The following CLTB variants were observed in gnomAD, a reference collection of about 807,000 sequenced individuals.
CLTB encodes the protein clathrin, light chain (Lcb).
A neutral mutation model predicts 30.5 loss-of-function variants in CLTB; 10 were observed. That is an observed-to-expected ratio of 0.33 (90% CI 0.20 to 0.56). The LOEUF (loss-of-function observed/expected upper bound fraction) is 0.56. CLTB is among the 20% of genes least tolerant of loss of function. The pLI is 0.91. For synonymous variants in CLTB, 102 were observed against 120.3 expected (o/e 0.85, Z 1.00); for missense variants, 261 against 308.3 (o/e 0.85, Z 1.15).
intron 5 of CLTB, 95 bp downstream of exon 5, chr5:176,396,384 A>G (rs1756520240): frequency 8.8e-7 from 1 of 1,137,820 alleles, no homozygotes; most frequent in East Asian, 2.3e-5. Flanking sequence ...GAGCCCAGCC[A>G]CACTCATTTA....
chr5:176,401,153 G>A (rs1756800689), intron 2 of CLTB, among the ~76,000 whole-genome samples: 1 of 152,226 alleles, frequency 6.6e-6, no homozygotes. Context: ...GCTCCTTTCT[G>A]GGAACAATGC....
chr5:176,406,425 C>G, intron 2 of CLTB: 1 of 1,164,774 alleles, frequency 8.6e-7, no homozygotes. Context: ...TGCTGCGACT[C>G]CAGGGATGGC....
At chr5:176,415,762 T>C (rs999276024) in intron 1 of CLTB, among the ~76,000 whole-genome samples, 1 of 152,094 alleles carries the variant, frequency 6.6e-6, no homozygotes, top group African/African-American at 2.4e-5. Context: ...GGATCCTCTT[T>C]TTTCCCAGCT....
Position 176,392,716 on chromosome 5 carries a change from C to G in CLTB, c.*58G>C. 6.3e-7 allele frequency: 1 copy of G among 1,588,264 alleles called. No homozygotes were observed. Among genetic ancestry groups the G allele is most frequent in the South Asian group, 1.1e-5 (1 of 90,020 alleles). The stretch of plus-strand genomic sequence containing the variant: ...CGAGTCTCCACCCCGACCAAAGCAG[C>G]TGCTCCTCCTGTGCCCAGGCCCAGC... On this transcript the variant is annotated 3_prime_UTR_variant, in exon 6 of 6. Coordinates refer to ENST00000310418, the MANE Select transcript of CLTB (RefSeq NM_007097.5). The surrounding 1 kb of genome is among the most constrained non-coding windows in gnomAD (Gnocchi z 5.2).
chr5:176,410,167 C>A, intron 2 of CLTB, 90 bp downstream of exon 2: 1 of 1,137,698 alleles, frequency 8.8e-7, no homozygotes, highest in East Asian at 2.4e-5. Context: ...ACAGGAGAAC[C>A]TGGAGCTGTA....
At chr5:176,411,507 C>A (rs1234294806) in intron 1 of CLTB, among the ~76,000 whole-genome samples, 3 of 152,212 alleles carry the variant, frequency 2.0e-5, no homozygotes, top group African/African-American at 7.2e-5. Flanking sequence ...TGACCACACC[C>A]CCATCCACCC....
chr5:176,409,406 CTTTTTTTTTTTTT>C (rs34831947), intron 2 of CLTB, among the ~76,000 whole-genome samples: 3 of 79,656 alleles, frequency 3.8e-5, no homozygotes, highest in African/African-American at 1.7e-4. Context: ...TCTGATTGCC[CTTTTTTTTTTTTT>C]TTTTTTTTTT....
At chr5:176,413,461 G>A (rs1002901173) in intron 1 of CLTB, among the ~76,000 whole-genome samples, 5 of 152,132 alleles carry the variant, frequency 3.3e-5, no homozygotes, top group African/African-American at 1.2e-4. Context: ...GATCACCCAG[G>A]GCCACAGATC....
At chr5:176,394,935 A>C (rs1405191570) in intron 5 of CLTB, among the ~76,000 whole-genome samples, 1 of 151,996 alleles carries the variant, frequency 6.6e-6, no homozygotes. Context: ...GGTATTCCAC[A>C]GCACCCATGC....
rs1213002440 is a variant in CLTB, at chr5:176,393,565, G to A, written c.519-620C>T. Among the ~76,000 whole-genome samples, 1 of 152,196 alleles carries A rather than the reference G, an allele frequency of 6.6e-6. No individual in the cohort carries two copies. The highest frequency in any genetic ancestry group is 2.4e-5 in the African/African-American group (1 of 41,442). On this transcript the variant is annotated intron_variant, in intron 5 of 5. Transcript: ENST00000310418. The surrounding 1 kb of genome is among the most constrained non-coding windows in gnomAD (Gnocchi z 4.4). ...TGTGTGCGTCGTGACCCTCCAAGGT[G>A]TGTATGTGATGGAATCCACCACATC...
chr5:176,410,204 A>T, intron 2 of CLTB, 53 bp downstream of exon 2: 1 of 1,499,754 alleles, frequency 6.7e-7, no homozygotes, highest in Non-Finnish European at 9.3e-7. Flanking sequence ...GCTTTAGGTT[A>T]CTGAGACCAG....
intron 2 of CLTB, among the ~76,000 whole-genome samples, chr5:176,402,687 T>A (rs1221308642): frequency 3.3e-5 from 5 of 152,190 alleles, no homozygotes; most frequent in Non-Finnish European, 7.3e-5. Context: ...AATTCATAGA[T>A]GTTCAGGCTT....
At chr5:176,400,779 T>C (rs915828884) in intron 2 of CLTB, among the ~76,000 whole-genome samples, 2 of 152,196 alleles carry the variant, frequency 1.3e-5, no homozygotes, top group Non-Finnish European at 2.9e-5. Flanking sequence ...CAGGAGTGTC[T>C]GGCACACTCT....
intron 2 of CLTB, chr5:176,401,645 T>C (rs778597472): frequency 3.4e-5 from 15 of 442,448 alleles, no homozygotes; most frequent in Non-Finnish European, 6.9e-5. Context: ...GAAAGGGCAG[T>C]GGGGGCTGCC....
chr5:176,406,696 G>A (rs2113666413), intron 2 of CLTB: 2 of 1,287,802 alleles, frequency 1.6e-6, no homozygotes, highest in Non-Finnish European at 2.0e-6. Flanking sequence ...TGGACCCGCT[G>A]GTGGTGCACG....
At chr5:176,397,154 G>A (rs1228745141) in intron 4 of CLTB, among the ~76,000 whole-genome samples, 6 of 151,976 alleles carry the variant, frequency 3.9e-5, no homozygotes, top group Non-Finnish European at 2.9e-5. Flanking sequence ...CATCTCCTCC[G>A]TGCCTACCCC....
intron 2 of CLTB, 139 bp from the exon 3 acceptor site, chr5:176,398,186 T>C: frequency 1.4e-6 from 1 of 714,758 alleles, no homozygotes; most frequent in East Asian, 2.7e-5. Context: ...TGACTACACC[T>C]ATCTTTGCAC....
At chr5:176,396,606 T>TAG (rs374264390) in intron 4 of CLTB, 74 bp from the exon 5 acceptor site, 166 of 981,232 alleles carry the variant, frequency 1.7e-4, no homozygotes, top group Admixed American at 6.3e-4. Context: ...GGCAGAAGGT[T>TAG]AGAGAGAGAG....
At position 176,398,164 on chromosome 5, in the gene CLTB, C is replaced by T. The variant is rs533134707; in HGVS notation, c.235-117G>A. The T allele has an allele frequency of 6.8e-5, 57 of 839,510 alleles. No individual in the cohort carries two copies. In the South Asian group the frequency reaches 8.0e-4, roughly 12 times the overall value. The allele number at this position is 839,510 out of a possible 1,614,324, so 52.0% of individuals were successfully genotyped here. A position where few individuals can be genotyped will look rare whatever the true frequency, so the allele number is the denominator to read the frequency against. ...ACTCAGCCTCAAACAACCTCATACC[C>T]ACTGTCTCTGGTGACTACACCTATC... On this transcript the variant is annotated intron_variant, in intron 2 of 5. Coordinates refer to ENST00000310418, the MANE Select transcript of CLTB (RefSeq NM_007097.5).
Sources: gnomAD v4.1 joint callset for allele counts (sites outside exome capture counted in the v4.1 genomes callset) on GRCh38, gnomAD v4.1.1 for gene constraint, Gnocchi (gnomAD v3.1) non-coding constraint, MANE v1.5 for transcripts, NCBI Gene and HGNC (gene_info 2026-07-23, HGNC 2026-07-21) for gene names.